The following DUSP4 variants were observed in gnomAD, a reference collection of about 807,000 sequenced individuals.
The protein encoded by DUSP4 is dual specificity phosphatase 4, also known as dual specificity protein phosphatase 4.
In DUSP4, 12 loss-of-function variants were observed where a neutral mutation model predicts 27.2. The observed-to-expected ratio is 0.44, with a 90% CI of 0.28 to 0.71. The LOEUF is 0.71. DUSP4 is among the 30% of genes least tolerant of loss of function. The probability of loss-of-function intolerance (pLI) is 0.14; values close to 1 mark genes in which losing one functional copy is unlikely to be tolerated. For synonymous variants in DUSP4, 257 were observed against 245.2 expected (o/e 1.05, Z -0.45); for missense variants, 448 against 551.3 (o/e 0.81, Z 1.88).
At chr8:29,338,241 C>G in intron 3 of DUSP4, 41 bp downstream of exon 3, 1 of 1,596,370 alleles carries the variant, frequency 6.3e-7, no homozygotes, top group Non-Finnish European at 8.6e-7. Flanking sequence ...TCCTTCCCAC[C>G]CGCCCTCAAA....
In DUSP4 at chr8:29,340,750, C is replaced by A. The variant is rs150933799; in HGVS notation, c.434-507G>T. On this transcript the variant is annotated intron_variant, in intron 1 of 3. Transcript: ENST00000240100. ...AATGGAACAGATGTCCATTGCACGT[C>A]CTCATGAATAGCTGTTCCGTCACCA... is the stretch of plus-strand genomic sequence containing the variant. 2.7e-3 allele frequency among the ~76,000 whole-genome samples: 415 copies of A among 152,248 alleles called. 2 individuals are homozygous for A. Among genetic ancestry groups the A allele is most frequent in the African/African-American group, 9.6e-3 (400 of 41,528 alleles).
intron 1 of DUSP4, chr8:29,348,748 A>G (rs1361398480): frequency 1.0e-6 from 1 of 985,080 alleles, no homozygotes; most frequent in East Asian, 1.1e-4. Flanking sequence ...GGAGGCGGCG[A>G]AGGCGCCTGC....
intron 1 of DUSP4, 44 bp from the exon 2 acceptor site, chr8:29,340,287 A>G: frequency 6.4e-7 from 1 of 1,550,744 alleles, no homozygotes; most frequent in Non-Finnish European, 8.7e-7. Context: ...TCACTAAGCC[A>G]GCAGGAAGTC....
At chr8:29,344,674 A>G (rs994198356) in intron 1 of DUSP4, among the ~76,000 whole-genome samples, 1 of 152,194 alleles carries the variant, frequency 6.6e-6, no homozygotes. Context: ...CCTCATTAGA[A>G]GCCCTCCACC....
In DUSP4 at chr8:29,334,085, C is replaced by G. The variant is rs375984116; in HGVS notation, c.*2941G>C. On this transcript the variant is annotated 3_prime_UTR_variant, in exon 4 of 4. Transcript: ENST00000240100. ...AAAACTTGGTCCATTTCCCCCAGGG[C>G]TCCTCAACACACACCCCTGGGTCAG... 6.6e-6 allele frequency: 1 copy of G among 152,242 alleles called. No individual in the cohort carries two copies. The highest frequency in any genetic ancestry group is 2.4e-5 in the African/African-American group (1 of 41,442). 9.4% of individuals were successfully genotyped at this position (152,242 alleles called of 1,614,324 possible). A position where few individuals can be genotyped will look rare whatever the true frequency, so the allele number is the denominator to read the frequency against.
chr8:29,348,938 G>A, intron 1 of DUSP4: 1 of 247,764 alleles, frequency 4.0e-6, no homozygotes, highest in Non-Finnish European at 6.5e-6. Flanking sequence ...CCCGAGGGCC[G>A]CGGACCCACC....
rs1469651038 is a variant in DUSP4, at chr8:29,350,326, C to G, written c.-48G>C. 1.3e-6 allele frequency: 2 copies of G among 1,527,392 alleles called. No homozygotes were observed. The highest frequency in any genetic ancestry group is 2.3e-5 in the East Asian group (1 of 44,044). 94.6% of individuals were successfully genotyped at this position (1,527,392 alleles called of 1,614,324 possible). ...TGGGCGCGCGAGGAAGAGAAGAGAA[C>G]CCGGGCCGCCTAGGCTGCAGAAAGG... On this transcript the variant is annotated 5_prime_UTR_variant, in exon 1 of 4. Transcript: ENST00000240100.
At chr8:29,348,376 C>G in intron 1 of DUSP4, 2 of 985,648 alleles carry the variant, frequency 2.0e-6, no homozygotes, top group Non-Finnish European at 2.4e-6. Flanking sequence ...GCCAGGCCTT[C>G]CGGGACAAGC....
At chr8:29,346,187 AATATCATGGGCTGT>A in intron 1 of DUSP4, 1 of 581,800 alleles carries the variant, frequency 1.7e-6, no homozygotes, top group Non-Finnish European at 2.2e-6. Context: ...CAGAAAGGGT[AATATCATGGGCTGT>A]ATGGTCAGGC....
intron 2 of DUSP4, among the ~76,000 whole-genome samples, chr8:29,339,329 G>A (rs1488408314): frequency 6.6e-6 from 1 of 152,208 alleles, no homozygotes; most frequent in Non-Finnish European, 1.5e-5. Flanking sequence ...TGGAGGGTGG[G>A]CTTATAAGAA....
chr8:29,350,138 C>A lies in DUSP4; in HGVS notation c.141G>T (p.Leu47=), dbSNP rs770217099. The change falls in exon 1 of 4, where the codon CTG becomes CTT. Residue 47 remains leucine, a synonymous_variant. Transcript: ENST00000240100. Reference sequence around the variant, plus strand: ...GCGCCAGGAACGGTCTGCAGTCCAGCAGCAGGCACTTGCCGCCGCTCGGCA... The same window carrying A: ...GCGCCAGGAACGGTCTGCAGTCCAGAAGCAGGCACTTGCCGCCGCTCGGCA... ...LGLPSGGKCL[L]LDCRPFLAHS... 7.5e-6 allele frequency: 12 copies of A among 1,609,394 alleles called. No individual in the cohort carries two copies. Among genetic ancestry groups the A allele is most frequent in the Admixed American group, 3.3e-5 (2 of 59,854 alleles).
chr8:29,343,718 A>G (rs945987158), intron 1 of DUSP4, among the ~76,000 whole-genome samples: 1 of 152,238 alleles, frequency 6.6e-6, no homozygotes, highest in African/African-American at 2.4e-5. Context: ...CCACATTTTT[A>G]AAATGGAATA....
chr8:29,337,478 C>T lies in DUSP4; in HGVS notation c.800-67G>A. ...CCCCAGCCCCGACCAGGGGCACCGG[C>T]CAGCCCCTGGGGTCGGGGGGCTCTG... is the stretch of plus-strand genomic sequence containing the variant. On this transcript the variant is annotated intron_variant, in intron 3 of 3. Coordinates refer to ENST00000240100, the MANE Select transcript of DUSP4 (RefSeq NM_001394.7). The surrounding 1 kb of genome is among the most constrained non-coding windows in gnomAD (Gnocchi z 6.4). 1 of 1,519,774 alleles carries T rather than the reference C, an allele frequency of 6.6e-7. No homozygotes were observed. The highest frequency in any genetic ancestry group is 8.8e-7 in the Non-Finnish European group (1 of 1,140,820). 94.1% of individuals were successfully genotyped at this position (1,519,774 alleles called of 1,614,324 possible).
In DUSP4 at chr8:29,350,565, C is replaced by A; in HGVS notation, c.-287G>T. On this transcript the variant is annotated 5_prime_UTR_variant, in exon 1 of 4. Transcript: ENST00000240100. Reference sequence around the variant, plus strand: ...AGAGTGTGTTTACGAGAGAGGACCGCGGACTCTTTTCGGCGACGGCCTCCC... The same window carrying A: ...AGAGTGTGTTTACGAGAGAGGACCGAGGACTCTTTTCGGCGACGGCCTCCC... The A allele has an allele frequency of 2.5e-6, 1 of 396,422 alleles. No individual in the cohort carries two copies. Among genetic ancestry groups the A allele is most frequent in the Non-Finnish European group, 4.5e-6 (1 of 224,178 alleles). 24.6% of individuals were successfully genotyped at this position (396,422 alleles called of 1,614,324 possible).
Position 29,336,156 on chromosome 8 carries a change from G to A in DUSP4, c.*870C>T, listed in dbSNP as rs530768646. 2.7e-5 allele frequency: 4 copies of A among 148,858 alleles called. No homozygotes were observed. In the South Asian group the frequency reaches 8.6e-4, roughly 32 times the overall value. The allele number at this position is 148,858 out of a possible 1,614,324, so 9.2% of individuals were successfully genotyped here. A position where few individuals can be genotyped will look rare whatever the true frequency, so the allele number is the denominator to read the frequency against. ...CTTTCTTCCTCCTCCCACCCAACCC[G>A]CCTGCTTCTCAAGATGAGCCTTGGC... is the stretch of plus-strand genomic sequence containing the variant. On this transcript the variant is annotated 3_prime_UTR_variant, in exon 4 of 4. Coordinates refer to ENST00000240100, the MANE Select transcript of DUSP4 (RefSeq NM_001394.7).
Position 29,337,199 on chromosome 8 carries a change from A to T in DUSP4, c.1012T>A (p.Ser338Thr), listed in dbSNP as rs1197881775. ...GGGCTAGCAGCCTCCGCAGCACAGG[A>T]CGTGGCCAGCACCTGGGACTCGAAC... ...LQFESQVLAT[S>T]CAAEAASPSG... is the part of the protein sequence containing the mutation. The change falls in exon 4 of 4, where the codon TCC becomes ACC. Residue 338 changes from serine to threonine, a missense_variant. Transcript: ENST00000240100. This position sits in a 1 kb window ranked among gnomAD's most constrained non-coding sequence, Gnocchi z 6.4. The T allele has an allele frequency of 6.2e-7, 1 of 1,613,486 alleles. No individual in the cohort carries two copies. The highest frequency in any genetic ancestry group is 8.5e-7 in the Non-Finnish European group (1 of 1,179,890).
chr8:29,335,214 C>G lies in DUSP4; in HGVS notation c.*1812G>C, dbSNP rs183100545. On this transcript the variant is annotated 3_prime_UTR_variant, in exon 4 of 4. Transcript: ENST00000240100. Reference sequence around the variant, plus strand: ...TAGCTTGTTCCCTCCTCCCTCCCCCCCAAACCCTCCCCACAGAAAACGTGT... The same window carrying G: ...TAGCTTGTTCCCTCCTCCCTCCCCCGCAAACCCTCCCCACAGAAAACGTGT... 9 of 152,160 alleles carry G rather than the reference C, an allele frequency of 5.9e-5. No homozygotes were observed. Among genetic ancestry groups the G allele is most frequent in the East Asian group, 5.8e-4 (3 of 5,204 alleles). 9.4% of individuals were successfully genotyped at this position (152,160 alleles called of 1,614,324 possible).
In DUSP4 at chr8:29,338,512, A is replaced by G; in HGVS notation, c.580-11T>C. 1 of 1,610,250 alleles carries G rather than the reference A, an allele frequency of 6.2e-7. No homozygotes were observed. The highest frequency in any genetic ancestry group is 8.5e-7 in the Non-Finnish European group (1 of 1,178,718). On this transcript the variant is annotated splice_polypyrimidine_tract_variant and intron_variant, in intron 2 of 3. Coordinates refer to ENST00000240100, the MANE Select transcript of DUSP4 (RefSeq NM_001394.7). Reference sequence around the variant, plus strand: ...CTCCACAGGACCCCCCTGCACAGAAAGGGAAACAAAGGCCCCTGAATGACA... The same window carrying G: ...CTCCACAGGACCCCCCTGCACAGAAGGGGAAACAAAGGCCCCTGAATGACA...
chr8:29,343,473 C>G (rs1330148397), intron 1 of DUSP4, among the ~76,000 whole-genome samples: 4 of 152,202 alleles, frequency 2.6e-5, no homozygotes, highest in Admixed American at 6.5e-5. Context: ...AGTCCACCCC[C>G]CACAGGGCCA....
Sources: allele counts gnomAD v4.1 joint callset (sites outside exome capture counted in the v4.1 genomes callset), GRCh38; gene constraint gnomAD v4.1.1; non-coding constraint Gnocchi (gnomAD v3.1); transcripts MANE v1.5; gene names NCBI Gene and HGNC (gene_info 2026-07-23, HGNC 2026-07-21).